The following PDS5A variants were observed in gnomAD, a reference collection of about 807,000 sequenced individuals.
PDS5A encodes the protein sister chromatid cohesion protein PDS5 homolog A.
In PDS5A, 42 loss-of-function variants were observed where a neutral mutation model predicts 167.1. The observed-to-expected ratio is 0.25, with a 90% CI of 0.20 to 0.33. The LOEUF is 0.33. Ranked by LOEUF, PDS5A falls within the 10% of genes least tolerant of loss-of-function variation. The pLI is 1.00. For missense variants in PDS5A, 1,033 were observed against 1,605.9 expected, an observed-to-expected ratio of 0.64 and a Z score of 6.10; for synonymous variants, 553 against 554.6, an observed-to-expected ratio of 1.00 and a Z score of 0.04.
In PDS5A at chr4:39,823,379, C is replaced by A. The variant is rs1305843642; in HGVS notation, c.*2106G>T. ...GGAGCAAATCCTTTTAACTTCTCTC[C>A]TGCAAAAATCTAAACAGGAATATAT... On this transcript the variant is annotated 3_prime_UTR_variant, in exon 33 of 33. Transcript: ENST00000303538. The A allele has an allele frequency of 6.6e-6, 1 of 152,202 alleles. No homozygotes were observed. Among genetic ancestry groups the A allele is most frequent in the East Asian group, 1.9e-4 (1 of 5,198 alleles). The allele number at this position is 152,202 out of a possible 1,614,324, so 9.4% of individuals were successfully genotyped here.
chr4:39,879,863 A>G (rs775744765), intron 17 of PDS5A, 30 bp from the exon 18 acceptor site: 1 of 1,220,068 alleles, frequency 8.2e-7, no homozygotes, highest in South Asian at 1.2e-5. Flanking sequence ...TAAATCAGTA[A>G]CCACTGTAGT....
At chr4:39,865,014 A>G (rs2109552555) in intron 23 of PDS5A, among the ~76,000 whole-genome samples, 1 of 152,294 alleles carries the variant, frequency 6.6e-6, no homozygotes, top group African/African-American at 2.4e-5. Context: ...AGAGTCAAGG[A>G]TAACATTTTT....
chr4:39,945,371 G>A (rs1727650775), intron 2 of PDS5A, among the ~76,000 whole-genome samples: 1 of 148,110 alleles, frequency 6.8e-6, no homozygotes, highest in South Asian at 2.1e-4. Context: ...TGAGGCAGGA[G>A]AATGGCATGA....
chr4:39,848,493 T>C (rs1189328386), intron 28 of PDS5A: 3 of 216,072 alleles, frequency 1.4e-5, no homozygotes, highest in African/African-American at 7.1e-5. Context: ...GATGAAGAAA[T>C]GGAGGCTTAG....
intron 21 of PDS5A, among the ~76,000 whole-genome samples, chr4:39,872,086 T>C (rs1720088954): frequency 6.6e-6 from 1 of 151,510 alleles, no homozygotes; most frequent in South Asian, 2.1e-4. Flanking sequence ...CCAGAGGTAA[T>C]AAATCAGAGC....
Position 39,943,922 on chromosome 4 carries a change from A to C in PDS5A, c.139-15758T>G, listed in dbSNP as rs146848206. Among the ~76,000 whole-genome samples, 7 of 152,222 alleles carry C rather than the reference A, an allele frequency of 4.6e-5. No homozygotes were observed. In the East Asian group the frequency reaches 1.3e-3, roughly 29 times the overall value. ...GCCGGGTGTGGTGGCTCATGCCTGTAATCTCAGCACTTCAGGAGGCCGAGG... is the reference window on the plus strand; with the variant it reads ...GCCGGGTGTGGTGGCTCATGCCTGTCATCTCAGCACTTCAGGAGGCCGAGG... On this transcript the variant is annotated intron_variant, in intron 2 of 32. Coordinates refer to ENST00000303538, the MANE Select transcript of PDS5A (RefSeq NM_001100399.2).
rs750600461 is a variant in PDS5A at position 39,879,750 on chromosome 4, C to T, written c.1970G>A (p.Arg657His). Residue 657 changes from arginine to histidine, a missense_variant, in exon 18 of 33, where the codon CGT (arginine) becomes CAT (histidine). Around this residue, in one of 4 missense-constraint regions of PDS5A, gnomAD observed 367 missense variants for 686.7 expected, o/e 0.53. Coordinates refer to ENST00000303538, the MANE Select transcript of PDS5A (RefSeq NM_001100399.2). ...TACCTTAAGAAGTTCAAGTCCTGAA[C>T]GGATAGCTGTATCTGGACTTACACC... Reference protein sequence around the residue: ...EEGVSPDTAIRSGLELLKVLS... With the variant: ...EEGVSPDTAIHSGLELLKVLS... 1.9e-6 allele frequency: 3 copies of T among 1,606,638 alleles called. No individual in the cohort carries two copies. Among genetic ancestry groups the T allele is most frequent in the Non-Finnish European group, 2.6e-6 (3 of 1,173,494 alleles).
Position 39,904,146 on chromosome 4 carries a change from T to C in PDS5A, c.1279A>G (p.Lys427Glu). 1 of 1,612,844 alleles carries C rather than the reference T, an allele frequency of 6.2e-7. No individual in the cohort carries two copies. The highest frequency in any genetic ancestry group is 8.5e-7 in the Non-Finnish European group (1 of 1,179,190). Residue 427 changes from lysine (K) to glutamate (E), a missense_variant, in exon 12 of 33, where the codon AAG (lysine) becomes GAG (glutamate). Lys to Glu is a moderately conservative substitution (Grantham distance 56). Coordinates refer to ENST00000303538, the MANE Select transcript of PDS5A (RefSeq NM_001100399.2). ...GCTTCACCATGAAGACAGTATTTCT[T>C]ATAAAGCTGAGCCAGACCCATCATA... is the stretch of plus-strand genomic sequence containing the variant. ...EAMMGLAQLY[K>E]KYCLHGEAGK...
At chr4:39,881,753 C>T (rs780031539) in intron 17 of PDS5A, among the ~76,000 whole-genome samples, 7 of 152,160 alleles carry the variant, frequency 4.6e-5, no homozygotes, top group Non-Finnish European at 1.0e-4. Flanking sequence ...TAAACACTTG[C>T]CTATTCTGAA....
At chr4:39,972,542 A>T (rs961761367) in intron 2 of PDS5A, among the ~76,000 whole-genome samples, 3 of 151,890 alleles carry the variant, frequency 2.0e-5, no homozygotes, top group Non-Finnish European at 2.9e-5. Context: ...AATAAATAAA[A>T]AATAAAAATA....
rs1158287221 is a variant in PDS5A at position 39,829,950 on chromosome 4, C to CAAAAAAAAAAAAA, written c.4011-4475_4011-4463dup. Among the ~76,000 whole-genome samples the CAAAAAAAAAAAAA allele has an allele frequency of 3.3e-4, 22 of 67,304 alleles. 1 individual carries two copies. The highest frequency in any genetic ancestry group is 1.1e-3 in the African/African-American group (13 of 11,920). The allele number at this position is 67,304 out of a possible 152,430, so 44.2% of individuals were successfully genotyped here. On this transcript the variant is annotated intron_variant, in intron 32 of 32. Transcript: ENST00000303538. Reference sequence around the variant, plus strand: ...TGGGCGACAGACTGAGACTCCAACTCAAAAAAAAAAAAAAAAAAAAAAAAA... The same window carrying CAAAAAAAAAAAAA: ...TGGGCGACAGACTGAGACTCCAACTCAAAAAAAAAAAAAAAAAAAAAAAAAAAAAAAAAAAAAA...
chr4:39,849,927 G>A (rs1717967054), intron 26 of PDS5A, among the ~76,000 whole-genome samples: 1 of 152,014 alleles, frequency 6.6e-6, no homozygotes, highest in Admixed American at 6.6e-5. Context: ...ATGGTGGCTC[G>A]TGCCTATAAC....
At chr4:39,906,296 A>C (rs1287678154) in intron 11 of PDS5A, among the ~76,000 whole-genome samples, 1 of 152,102 alleles carries the variant, frequency 6.6e-6, no homozygotes, top group African/African-American at 2.4e-5. Context: ...TGAGCCTGGG[A>C]AGAGGAGGGT....
chr4:39,866,795 T>TG (rs1253598673), intron 23 of PDS5A, 66 bp downstream of exon 23: 11 of 1,422,758 alleles, frequency 7.7e-6, no homozygotes, highest in Non-Finnish European at 9.7e-6. Context: ...ATTAGGTAAA[T>TG]AATTCCTATG....
intron 28 of PDS5A, chr4:39,846,655 CTT>C (rs1459809500): frequency 2.0e-5 from 3 of 152,208 alleles, no homozygotes; most frequent in Non-Finnish European, 4.4e-5. Flanking sequence ...AACTTGATCT[CTT>C]GATGCCTTTT....
At chr4:39,868,501 G>C (rs1719742461) in intron 22 of PDS5A, among the ~76,000 whole-genome samples, 1 of 152,004 alleles carries the variant, frequency 6.6e-6, no homozygotes, top group African/African-American at 2.4e-5. Flanking sequence ...GCTAGTTTTT[G>C]TATTTTTAGT....
intron 9 of PDS5A, among the ~76,000 whole-genome samples, chr4:39,912,874 A>G (rs1237642470): frequency 6.6e-6 from 1 of 152,230 alleles, no homozygotes; most frequent in Non-Finnish European, 1.5e-5. Context: ...TCCACTTAAA[A>G]ATCATACAAT....
At chr4:39,882,228 T>C (rs1288165771) in intron 17 of PDS5A, among the ~76,000 whole-genome samples, 1 of 152,264 alleles carries the variant, frequency 6.6e-6, no homozygotes, top group African/African-American at 2.4e-5. Flanking sequence ...TTTCTTGTGC[T>C]TATTTACCGT....
chr4:39,838,845 C>A (rs1458081287), intron 31 of PDS5A, among the ~76,000 whole-genome samples: 1 of 152,078 alleles, frequency 6.6e-6, no homozygotes, highest in African/African-American at 2.4e-5. Context: ...CATGGAGAAA[C>A]CCTGTCTCTA....
Sources: allele counts gnomAD v4.1 joint callset (sites outside exome capture counted in the v4.1 genomes callset), GRCh38; gene constraint gnomAD v4.1.1; regional missense constraint gnomAD v4.1.1; transcripts MANE v1.5; gene names NCBI Gene and HGNC (gene_info 2026-07-23, HGNC 2026-07-21).